Variants in ZNF365 observed in about 807,000 individuals in gnomAD.
The protein encoded by ZNF365 is protein ZNF365.
ZNF365 carries 22 observed loss-of-function variants against 35.0 expected under a neutral mutation model. That is an observed-to-expected ratio of 0.63 (90% CI 0.45 to 0.90). The LOEUF (loss-of-function observed/expected upper bound fraction) is 0.90. Ranked by LOEUF, ZNF365 falls within the 40% of genes least tolerant of loss-of-function variation. The probability of loss-of-function intolerance (pLI) is 0.00; values close to 1 mark genes in which losing one functional copy is unlikely to be tolerated. For missense variants in ZNF365, 448 were observed against 500.3 expected (o/e 0.90, Z 1.00); for synonymous variants, 188 against 196.2 (o/e 0.96, Z 0.35).
At chr10:62,471,132 C>T (rs749111898) in intron 4 of ZNF365, among the ~76,000 whole-genome samples, 1 of 151,944 alleles carries the variant, frequency 6.6e-6, no homozygotes, top group Non-Finnish European at 1.5e-5. Flanking sequence ...TTTGGGAGGC[C>T]AAGGCGGGCG....
intron 4 of ZNF365, among the ~76,000 whole-genome samples, chr10:62,464,759 T>C (rs1229478435): frequency 6.6e-6 from 1 of 152,236 alleles, no homozygotes; most frequent in Admixed American, 6.5e-5. Context: ...ACTTTATGGA[T>C]CCTCATGTTA....
chr10:62,378,833 A>G (rs1839379278), intron 2 of ZNF365, among the ~76,000 whole-genome samples: 1 of 152,220 alleles, frequency 6.6e-6, no homozygotes, highest in African/African-American at 2.4e-5. Flanking sequence ...GTACAGAACT[A>G]TACTACTCTT....
At chr10:62,472,477 T>A (rs959932271) in intron 4 of ZNF365, among the ~76,000 whole-genome samples, 2 of 151,988 alleles carry the variant, frequency 1.3e-5, no homozygotes, top group Non-Finnish European at 2.9e-5. Flanking sequence ...AAGGGAGAAA[T>A]TTGAACACAG....
chr10:62,375,353 C>T (rs1011751064), intron 1 of ZNF365, among the ~76,000 whole-genome samples: 4 of 152,146 alleles, frequency 2.6e-5, no homozygotes, highest in Non-Finnish European at 4.4e-5. Flanking sequence ...CCAGAACACT[C>T]TATTATAATA....
chr10:62,466,945 G>A (rs1038719281), intron 4 of ZNF365, among the ~76,000 whole-genome samples: 8 of 152,084 alleles, frequency 5.3e-5, no homozygotes, highest in Non-Finnish European at 1.2e-4. Flanking sequence ...GGGGCCACAG[G>A]TGCATGCCAC....
chr10:62,391,233 A>G (rs548510329), intron 3 of ZNF365, among the ~76,000 whole-genome samples: 15 of 152,166 alleles, frequency 9.9e-5, no homozygotes, highest in South Asian at 2.1e-4. Flanking sequence ...TTAAATTTTT[A>G]ATTTTTGATT....
chr10:62,466,921 C>G (rs1321731845), intron 4 of ZNF365, among the ~76,000 whole-genome samples: 2 of 152,140 alleles, frequency 1.3e-5, no homozygotes. Flanking sequence ...CTTGTCTCAG[C>G]CCCCTGAGTA....
intron 2 of ZNF365, among the ~76,000 whole-genome samples, chr10:62,379,478 G>T (rs1255418094): frequency 6.6e-6 from 1 of 151,502 alleles, no homozygotes; most frequent in Non-Finnish European, 1.5e-5. Flanking sequence ...CGTTCATTTG[G>T]GCCAGTCCCA....
chr10:62,388,200 A>G (rs985092901), intron 2 of ZNF365, among the ~76,000 whole-genome samples, 196 bp from the exon 3 acceptor site: 2 of 152,214 alleles, frequency 1.3e-5, no homozygotes, highest in Non-Finnish European at 2.9e-5. Context: ...TGTTTGTTTT[A>G]TAGTGACTAT....
chr10:62,427,530 C>T (rs930340979), intron 3 of ZNF365, among the ~76,000 whole-genome samples: 1 of 152,084 alleles, frequency 6.6e-6, no homozygotes, highest in African/African-American at 2.4e-5. Context: ...TTTAAGGATG[C>T]GTGACTTACA....
At chr10:62,413,900 A>G (rs1840029490) in intron 3 of ZNF365, among the ~76,000 whole-genome samples, 1 of 152,154 alleles carries the variant, frequency 6.6e-6, no homozygotes, top group Non-Finnish European at 1.5e-5. Context: ...CCTGTAGATG[A>G]CACTGATATA....
At chr10:62,387,387 T>C (rs1839543094) in intron 2 of ZNF365, among the ~76,000 whole-genome samples, 1 of 152,200 alleles carries the variant, frequency 6.6e-6, no homozygotes, top group Non-Finnish European at 1.5e-5. Context: ...TAATGGAGTT[T>C]CAGGTGATCT....
chr10:62,400,701 C>T lies in ZNF365; in HGVS notation c.*912C>T. On this transcript the variant is annotated 3_prime_UTR_variant, in exon 5 of 5. Transcript: ENST00000395254. Reference sequence around the variant, plus strand: ...GGTGTCGCCAAGCCCTTTCCTAAGACCTGCTTCCCGGCCAGTGTCAGTGGC... The same window carrying T: ...GGTGTCGCCAAGCCCTTTCCTAAGATCTGCTTCCCGGCCAGTGTCAGTGGC... The T allele has an allele frequency of 1.0e-6, 1 of 985,650 alleles. No individual in the cohort carries two copies. The highest frequency in any genetic ancestry group is 1.2e-6 in the Non-Finnish European group (1 of 830,036). 61.1% of individuals were successfully genotyped at this position (985,650 alleles called of 1,614,324 possible).
At position 62,385,704 on chromosome 10, in the gene ZNF365, A is replaced by G. The variant is rs1328950980; in HGVS notation, c.744-2692A>G. Among the ~76,000 whole-genome samples the G allele has an allele frequency of 7.2e-5, 11 of 152,232 alleles. No individual in the cohort carries two copies. The East Asian group carries it at 2.1e-3, about 29-fold the overall frequency. ...TTGTCCTTTATAAACATTAATTACA[A>G]CAAATACTTATTCAATATTGTGTGT... On this transcript the variant is annotated intron_variant, in intron 2 of 4. Coordinates refer to ENST00000395254, the MANE Select transcript of ZNF365 (RefSeq NM_014951.3).
At chr10:62,431,847 G>T (rs990289203) in intron 3 of ZNF365, among the ~76,000 whole-genome samples, 60 of 151,132 alleles carry the variant, frequency 4.0e-4, no homozygotes, top group African/African-American at 1.4e-3. Flanking sequence ...GTTTTTGTTT[G>T]TTTGTTTGTT....
intron 3 of ZNF365, among the ~76,000 whole-genome samples, chr10:62,421,773 T>C (rs1840172507): frequency 6.6e-6 from 1 of 152,214 alleles, no homozygotes; most frequent in African/African-American, 2.4e-5. Flanking sequence ...GCTATTGATT[T>C]CTTTCAGGTC....
rs550871823 is a variant in ZNF365 at position 62,429,074 on chromosome 10, T to TCTC, written c.925-30665_925-30664insCCT. Among the ~76,000 whole-genome samples the TCTC allele has an allele frequency of 6.0e-3, 918 of 152,296 alleles. 17 individuals carry two copies. The highest frequency in any genetic ancestry group is 5.3e-3 in the Non-Finnish European group (360 of 68,032). ...TCTTCATCTCCTTGTGCCTTTGGCC[T>TCTC]CTATCTCCAACTAGATAAGCCAATG... On this transcript the variant is annotated intron_variant, in intron 3 of 4. Coordinates refer to the ZNF365 transcript ENST00000395255.
chr10:62,479,257 G>A (rs1163391377), intron 4 of ZNF365, among the ~76,000 whole-genome samples: 1 of 152,148 alleles, frequency 6.6e-6, no homozygotes, highest in South Asian at 2.1e-4. Flanking sequence ...CTCCCACGTA[G>A]AAGAAAACCA....
chr10:62,399,639 G>C lies in ZNF365; in HGVS notation c.1074G>C (p.Gln358His). The change falls in exon 5 of 5, where the codon CAG becomes CAC. Residue 358 changes from glutamine to histidine, a missense_variant. Transcript: ENST00000395254. ...KKAKDDRASMQPAKAIHEQAE... is the reference protein window; with the variant it reads ...KKAKDDRASMHPAKAIHEQAE... Reference sequence around the variant, plus strand: ...CCAAGGATGACAGAGCCAGCATGCAGCCTGCCAAGGCCATTCACGAACAGG... The same window carrying C: ...CCAAGGATGACAGAGCCAGCATGCACCCTGCCAAGGCCATTCACGAACAGG... 6.2e-7 allele frequency: 1 copy of C among 1,614,196 alleles called. No individual in the cohort carries two copies. Among genetic ancestry groups the C allele is most frequent in the Non-Finnish European group, 8.5e-7 (1 of 1,180,040 alleles).
Sources: gnomAD v4.1 joint callset for allele counts (sites outside exome capture counted in the v4.1 genomes callset) on GRCh38, gnomAD v4.1.1 for gene constraint, MANE v1.5 for transcripts, NCBI Gene and HGNC (gene_info 2026-07-23, HGNC 2026-07-21) for gene names.